The following CCDC7 variants were observed in gnomAD, a reference collection of about 807,000 sequenced individuals.
CCDC7 encodes coiled-coil domain containing 7.
A neutral mutation model predicts 196.9 loss-of-function variants in CCDC7; 183 were observed. That is an observed-to-expected ratio of 0.93 (90% CI 0.82 to 1.05). The LOEUF (loss-of-function observed/expected upper bound fraction) is 1.05. CCDC7 is among the 50% of genes least tolerant of loss of function. The pLI, the probability that CCDC7 is intolerant of heterozygous loss-of-function variation, is 0.00. For missense variants in CCDC7, 1,540 were observed against 1,482.2 expected (o/e 1.04, Z -0.64); for synonymous variants, 525 against 484.6 (o/e 1.08, Z -1.10).
intron 28 of CCDC7, among the ~76,000 whole-genome samples, chr10:32,741,025 A>G (rs978341646): frequency 6.6e-6 from 1 of 152,016 alleles, no homozygotes; most frequent in African/African-American, 2.4e-5. Context: ...TCTCCTAATT[A>G]TTATTTTATA....
chr10:32,791,865 C>T (rs903229905), intron 29 of CCDC7, among the ~76,000 whole-genome samples: 2 of 152,058 alleles, frequency 1.3e-5, no homozygotes, highest in African/African-American at 2.4e-5. Context: ...TGTCTAGATC[C>T]ATGAAGCTCA....
At chr10:32,568,012 T>C in intron 15 of CCDC7, 121 bp downstream of exon 16, 4 of 1,072,384 alleles carry the variant, frequency 3.7e-6, no homozygotes, top group Non-Finnish European at 3.8e-6. Context: ...TTGGGTTTTT[T>C]TTTTTTTTTT....
At chr10:32,565,711 C>A in intron 14 of CCDC7, 91 bp downstream of exon 15, 1 of 1,377,184 alleles carries the variant, frequency 7.3e-7, no homozygotes. Context: ...ACTTTGTAAG[C>A]TAAGAGGTCT....
chr10:32,715,375 C>T (rs559768447), intron 25 of CCDC7, among the ~76,000 whole-genome samples: 5 of 152,226 alleles, frequency 3.3e-5, no homozygotes, highest in South Asian at 2.1e-4. Context: ...AGGAAACCCA[C>T]GCAAAAACCC....
intron 13 of CCDC7, among the ~76,000 whole-genome samples, chr10:32,550,768 A>G (rs1245491408): frequency 6.6e-6 from 1 of 152,116 alleles, no homozygotes; most frequent in Non-Finnish European, 1.5e-5. Context: ...ATGGTGGACT[A>G]TCTTTTTGTT....
chr10:32,715,493 C>T (rs568622819), intron 25 of CCDC7, among the ~76,000 whole-genome samples: 151 of 152,268 alleles, frequency 9.9e-4, no homozygotes, highest in African/African-American at 3.5e-3. Flanking sequence ...TGCCTCTTCT[C>T]CTCCAAAGGA....
intron 21 of CCDC7, among the ~76,000 whole-genome samples, chr10:32,678,397 G>T (rs1178200123): frequency 6.6e-6 from 1 of 152,140 alleles, no homozygotes. Flanking sequence ...TCACTAGACA[G>T]CCCAGCCAGA....
At chr10:32,665,568 T>A (rs2072488889) in intron 21 of CCDC7, among the ~76,000 whole-genome samples, 1 of 152,086 alleles carries the variant, frequency 6.6e-6, no homozygotes, top group Non-Finnish European at 1.5e-5. Context: ...TTTATTCCAG[T>A]GATCTACATG....
intron 28 of CCDC7, among the ~76,000 whole-genome samples, chr10:32,774,003 A>G (rs1254664332): frequency 6.6e-6 from 1 of 152,190 alleles, no homozygotes; most frequent in Admixed American, 6.5e-5. Context: ...CTGCCCTGCC[A>G]TTGTTCTTCA....
At chr10:32,824,008 C>T (rs1358949813) in intron 31 of CCDC7, among the ~76,000 whole-genome samples, 2 of 152,058 alleles carry the variant, frequency 1.3e-5, no homozygotes, top group Non-Finnish European at 2.9e-5. Context: ...TAAAATATTT[C>T]TGGATGAGTC....
Position 32,824,592 on chromosome 10 carries a change from AAG to A in CCDC7, c.3259_3260del (p.Ser1087LeufsTer3). On this transcript the variant is annotated frameshift_variant, in exon 32 of 42. Transcript: ENST00000639629. LOFTEE classifies it high-confidence loss of function. The stretch of plus-strand genomic sequence containing the variant: ...TGCAATTAAGACGCAGTTAAAGAGA[AAG>A]AGTTACCCTGGTAAGAATAAGAATT... 1 of 1,608,904 alleles carries A rather than the reference AAG, an allele frequency of 6.2e-7. No homozygotes were observed. Among genetic ancestry groups the A allele is most frequent in the Non-Finnish European group, 8.5e-7 (1 of 1,176,056 alleles).
At chr10:32,483,391 A>G (rs1436675443) in intron 8 of CCDC7, among the ~76,000 whole-genome samples, 1 of 152,148 alleles carries the variant, frequency 6.6e-6, no homozygotes, top group Non-Finnish European at 1.5e-5. Flanking sequence ...GATTCTGGAT[A>G]TTAGCCCTTT....
intron 20 of CCDC7, among the ~76,000 whole-genome samples, chr10:32,639,178 A>G (rs2066241467): frequency 6.6e-6 from 1 of 152,248 alleles, no homozygotes; most frequent in East Asian, 1.9e-4. Flanking sequence ...CTTTTCAAAA[A>G]ACCACCTCTT....
At chr10:32,690,722 A>T (rs1373991356) in intron 23 of CCDC7, among the ~76,000 whole-genome samples, 4 of 152,208 alleles carry the variant, frequency 2.6e-5, no homozygotes, top group African/African-American at 4.8e-5. Flanking sequence ...GGTGCTGTTA[A>T]TCTGGATATT....
chr10:32,661,503 A>AT (rs1159193083), intron 20 of CCDC7, among the ~76,000 whole-genome samples: 3 of 152,198 alleles, frequency 2.0e-5, no homozygotes, highest in African/African-American at 7.2e-5. Flanking sequence ...TGAAGCCAGC[A>AT]TATCTCAGAG....
chr10:32,504,115 G>GGTTT (rs1564481000), intron 9 of CCDC7, among the ~76,000 whole-genome samples: 1 of 96,272 alleles, frequency 1.0e-5, no homozygotes, highest in Non-Finnish European at 1.9e-5. Context: ...TTTATTGCTG[G>GGTTT]TTTTTTTTTT....
chr10:32,587,898 A>C (rs953205155), intron 18 of CCDC7, among the ~76,000 whole-genome samples: 4 of 152,192 alleles, frequency 2.6e-5, no homozygotes, highest in African/African-American at 9.7e-5. Context: ...ATACCCTAAA[A>C]GTTCATGTGC....
chr10:32,835,407 CA>C (rs2092523432), intron 33 of CCDC7, among the ~76,000 whole-genome samples: 1 of 151,986 alleles, frequency 6.6e-6, no homozygotes, highest in Non-Finnish European at 1.5e-5. Flanking sequence ...GCACTATTCA[CA>C]ATAGCAAAGA....
At chr10:32,626,308 A>C (rs920605479) in intron 18 of CCDC7, among the ~76,000 whole-genome samples, 2 of 152,030 alleles carry the variant, frequency 1.3e-5, no homozygotes, top group Non-Finnish European at 1.5e-5. Context: ...TCATTTCCTT[A>C]ATAATTAATG....
Sources: gnomAD v4.1 joint callset for allele counts (sites outside exome capture counted in the v4.1 genomes callset) on GRCh38, gnomAD v4.1.1 for gene constraint, MANE v1.5 for transcripts, NCBI Gene and HGNC (gene_info 2026-07-23, HGNC 2026-07-21) for gene names.